The following ADAM22 variants were observed in gnomAD, a reference collection of about 807,000 sequenced individuals.
ADAM22 encodes ADAM metallopeptidase domain 22.
Under a neutral mutation model 144.6 loss-of-function variants are expected in ADAM22, and 65 were observed. That is an observed-to-expected ratio of 0.45 (90% CI 0.37 to 0.55). ADAM22 has a LOEUF of 0.55. Among genes scored for constraint, ADAM22 ranks in the 20% least tolerant of loss-of-function variants. The pLI, the probability that ADAM22 is intolerant of heterozygous loss-of-function variation, is 0.00. For synonymous variants in ADAM22, 391 were observed against 412.6 expected, an observed-to-expected ratio of 0.95 and a Z score of 0.63; for missense variants, 974 against 1,184.9, an observed-to-expected ratio of 0.82 and a Z score of 2.61.
At chr7:87,952,444 T>G (rs1845482241) in intron 2 of ADAM22, among the ~76,000 whole-genome samples, 1 of 152,208 alleles carries the variant, frequency 6.6e-6, no homozygotes, top group Non-Finnish European at 1.5e-5. Context: ...TGGATTGTAT[T>G]TATTGATTTG....
chr7:88,137,146 A>G (rs890602456), intron 14 of ADAM22, among the ~76,000 whole-genome samples: 40 of 152,216 alleles, frequency 2.6e-4, no homozygotes, highest in African/African-American at 9.6e-4. Flanking sequence ...TTTGGTTTGC[A>G]TGTTTTCAGT....
chr7:88,083,094 T>C (rs915530401), intron 4 of ADAM22, among the ~76,000 whole-genome samples: 8 of 152,120 alleles, frequency 5.3e-5, no homozygotes, highest in African/African-American at 1.7e-4. Flanking sequence ...AACCCAAATG[T>C]CCAACAACGA....
intron 3 of ADAM22, among the ~76,000 whole-genome samples, chr7:88,073,058 C>T (rs1268727025): frequency 6.6e-6 from 1 of 152,204 alleles, no homozygotes; most frequent in Non-Finnish European, 1.5e-5. Context: ...CTTCACCACT[C>T]TCCTTTCCAA....
chr7:88,107,135 T>TATTC (rs950373056), intron 4 of ADAM22, among the ~76,000 whole-genome samples: 4 of 152,046 alleles, frequency 2.6e-5, no homozygotes, highest in African/African-American at 9.7e-5. Context: ...AAATGATTTA[T>TATTC]ATTCATTTTT....
intron 5 of ADAM22, 146 bp from the exon 6 acceptor site, chr7:88,114,438 G>A (rs1236410017): frequency 1.5e-6 from 1 of 663,120 alleles, no homozygotes; most frequent in East Asian, 2.7e-5. Flanking sequence ...TCAGTGGTGT[G>A]TGTGGTGTGT....
rs947273178 is a variant in ADAM22 at position 88,089,844 on chromosome 7, C to T, written c.390+14152C>T. On this transcript the variant is annotated intron_variant, in intron 4 of 31. Coordinates refer to ENST00000413139, the MANE Select transcript of ADAM22 (RefSeq NM_001324418.2). The stretch of plus-strand genomic sequence containing the variant: ...TGGCTCTGTGGAGATGGGGAGGCTG[C>T]TTTCCAAGTAAACAAGCTCAGTGAT... The T allele has an allele frequency of 2.0e-5, 3 of 152,314 alleles. No homozygotes were observed. In the South Asian group the frequency reaches 6.2e-4, roughly 32 times the overall value. The allele number at this position is 152,314 out of a possible 1,614,324, so 9.4% of individuals were successfully genotyped here. A position where few individuals can be genotyped will look rare whatever the true frequency, so the allele number is the denominator to read the frequency against.
At chr7:88,028,911 A>ATTCACCTTATAGGTGAAG (rs1799619643) in intron 3 of ADAM22, among the ~76,000 whole-genome samples, 1 of 152,058 alleles carries the variant, frequency 6.6e-6, no homozygotes, top group Non-Finnish European at 1.5e-5. Flanking sequence ...GGTGAAGTAT[A>ATTCACCTTATAGGTGAAG]TGTCTTATAG....
chr7:88,132,777 A>G, intron 11 of ADAM22, 90 bp from the exon 12 acceptor site: 1 of 1,030,892 alleles, frequency 9.7e-7, no homozygotes, highest in Non-Finnish European at 1.5e-6. Context: ...TCTTATGTAT[A>G]GAGAAAATAA....
chr7:88,050,630 T>C (rs1226038695), intron 3 of ADAM22, among the ~76,000 whole-genome samples: 1 of 152,226 alleles, frequency 6.6e-6, no homozygotes, highest in East Asian at 1.9e-4. Flanking sequence ...CATTTTTTCA[T>C]GCGTCTGTTG....
intron 2 of ADAM22, among the ~76,000 whole-genome samples, chr7:87,941,589 A>G (rs1011621144): frequency 2.0e-5 from 3 of 152,254 alleles, no homozygotes; most frequent in African/African-American, 7.2e-5. Context: ...TTCTACTGCT[A>G]TAAATAGGAG....
At chr7:88,025,883 G>T (rs376959774) in intron 3 of ADAM22, among the ~76,000 whole-genome samples, 2,245 of 152,164 alleles carry the variant, frequency 0.015, 29 homozygotes, top group Non-Finnish European at 0.023. Flanking sequence ...TTTTAGGATT[G>T]TTTTTACTAT....
At chr7:88,113,214 T>C (rs1474758072) in intron 5 of ADAM22, among the ~76,000 whole-genome samples, 5 of 148,162 alleles carry the variant, frequency 3.4e-5, no homozygotes, top group African/African-American at 1.2e-4. Flanking sequence ...TTCCAGTTGC[T>C]CAGGTCAAAA....
intron 3 of ADAM22, among the ~76,000 whole-genome samples, chr7:88,005,455 A>T (rs1234066973): frequency 6.6e-6 from 1 of 152,116 alleles, no homozygotes. Flanking sequence ...CTACCTTCAA[A>T]CAATTTTAGC....
At chr7:88,037,378 A>G (rs887262860) in intron 3 of ADAM22, among the ~76,000 whole-genome samples, 1 of 152,106 alleles carries the variant, frequency 6.6e-6, no homozygotes, top group Admixed American at 6.5e-5. Context: ...GCGTTCTACA[A>G]AATTATCTCC....
chr7:88,160,929 A>G (rs932402333), intron 22 of ADAM22, among the ~76,000 whole-genome samples: 1 of 152,066 alleles, frequency 6.6e-6, no homozygotes. Context: ...ACACTTGGAC[A>G]CAGGAAGGGG....
At chr7:87,945,808 C>T (rs1020955349) in intron 2 of ADAM22, among the ~76,000 whole-genome samples, 4 of 152,124 alleles carry the variant, frequency 2.6e-5, no homozygotes, top group African/African-American at 9.7e-5. Context: ...CCACCACGCC[C>T]GGCTGAAGCC....
Position 88,047,745 on chromosome 7 carries a change from C to T in ADAM22, c.324-27881C>T, listed in dbSNP as rs576698365. 1.1e-4 allele frequency among the ~76,000 whole-genome samples: 16 copies of T among 151,996 alleles called. 1 individual carries two copies. Among genetic ancestry groups the T allele is most frequent in the South Asian group, 2.1e-4 (1 of 4,816 alleles). On this transcript the variant is annotated intron_variant, in intron 3 of 31. Transcript: ENST00000413139. ...ATACACTGAGATACATTCAAATTTC[C>T]GTTGTTATTTATTTTAGCGGGATCT...
At chr7:88,106,339 C>T (rs923169992) in intron 4 of ADAM22, among the ~76,000 whole-genome samples, 2 of 152,180 alleles carry the variant, frequency 1.3e-5, no homozygotes, top group African/African-American at 4.8e-5. Flanking sequence ...CTCTCCACCC[C>T]CTCCCCAAAG....
At chr7:88,181,646 A>G (rs749583548) in intron 28 of ADAM22, 41 bp downstream of exon 28, 4 of 1,541,478 alleles carry the variant, frequency 2.6e-6, no homozygotes, top group Middle Eastern at 1.7e-4. Context: ...CACATAATCA[A>G]GTTCTATATT....
Sources: gnomAD v4.1 joint callset for allele counts (sites outside exome capture counted in the v4.1 genomes callset) on GRCh38, gnomAD v4.1.1 for gene constraint, MANE v1.5 for transcripts, NCBI Gene and HGNC (gene_info 2026-07-23, HGNC 2026-07-21) for gene names.